Variants in WDPCP observed in about 807,000 individuals in gnomAD.
The protein encoded by WDPCP is WD repeat containing planar cell polarity effector.
A neutral mutation model predicts 93.1 loss-of-function variants in WDPCP; 71 were observed. The ratio of observed to expected loss-of-function variants is 0.76; its 90% CI spans 0.63 to 0.93. The LOEUF (loss-of-function observed/expected upper bound fraction) is 0.93, where lower values mean the gene tolerates loss of function less well. Ranked by LOEUF, WDPCP falls within the 40% of genes least tolerant of loss-of-function variation. The pLI is 0.00. For synonymous variants in WDPCP, 315 were observed against 315.0 expected, an observed-to-expected ratio of 1.00 and a Z score of 0.00; for missense variants, 844 against 887.4, an observed-to-expected ratio of 0.95 and a Z score of 0.62.
chr2:63,485,123 A>G (rs1700493193), intron 4 of WDPCP, 136 bp from the exon 5 acceptor site: 1 of 861,550 alleles, frequency 1.2e-6, no homozygotes, highest in African/African-American at 1.7e-5. Flanking sequence ...CCATCATCAA[A>G]TGACAGCCTT....
chr2:63,174,971 GTTCC>G, intron 14 of WDPCP, 139 bp from the exon 15 acceptor site: 2 of 866,252 alleles, frequency 2.3e-6, no homozygotes, highest in Non-Finnish European at 3.7e-6. Context: ...TGTTGTCCTA[GTTCC>G]CTATGACTTC....
chr2:63,489,539 C>G (rs1700751324), intron 2 of WDPCP, among the ~76,000 whole-genome samples: 1 of 151,966 alleles, frequency 6.6e-6, no homozygotes, highest in Non-Finnish European at 1.5e-5. Flanking sequence ...AGAAGAGTGA[C>G]TGATTCCTAG....
intron 13 of WDPCP, among the ~76,000 whole-genome samples, chr2:63,284,586 C>T (rs1683841349): frequency 6.6e-6 from 1 of 152,148 alleles, no homozygotes; most frequent in Admixed American, 6.5e-5. Flanking sequence ...GTAACTTGAA[C>T]ACAAGCACTG....
At position 63,751,063 on chromosome 2, in the gene WDPCP, A is replaced by G. The variant is rs144245227; in HGVS notation, n.308+62559T>C. On this transcript the variant is annotated intron_variant and non_coding_transcript_variant, in intron 2 of 4. Transcript: ENST00000467687. The stretch of plus-strand genomic sequence containing the variant: ...TAAGATTAGTGTTATTTCTTCAGTG[A>G]ATGTTCATCAGTGAAACCATCTGAA... Among the ~76,000 whole-genome samples the G allele has an allele frequency of 4.1e-3, 625 of 152,208 alleles. 3 individuals carry two copies. Among genetic ancestry groups the G allele is most frequent in the African/African-American group, 0.014 (585 of 41,522 alleles).
chr2:63,497,895 G>A (rs1000944049), intron 1 of WDPCP, among the ~76,000 whole-genome samples: 3 of 152,088 alleles, frequency 2.0e-5, no homozygotes, highest in Admixed American at 6.5e-5. Context: ...AAGGGGGTGC[G>A]GGCAGGGATT....
At chr2:63,787,165 T>C (rs1354907345) in intron 2 of WDPCP, among the ~76,000 whole-genome samples, 1 of 152,202 alleles carries the variant, frequency 6.6e-6, no homozygotes, top group African/African-American at 2.4e-5. Flanking sequence ...AAAGAAATTA[T>C]GGTATTTGTG....
At position 63,313,232 on chromosome 2, in the gene WDPCP, T is replaced by C. The variant is rs1403809873; in HGVS notation, c.1812+16A>G. The C allele has an allele frequency of 2.5e-6, 4 of 1,612,560 alleles. No homozygotes were observed. Among genetic ancestry groups the C allele is most frequent in the Non-Finnish European group, 3.4e-6 (4 of 1,178,942 alleles). On this transcript the variant is annotated intron_variant, in intron 13 of 17. Coordinates refer to ENST00000272321, the MANE Select transcript of WDPCP (RefSeq NM_015910.7). ...TTAGAACTGAAGGCACAAAATCATCTCTGAAAATGACTCACCATAAAGAGG... is the reference window on the plus strand; with the variant it reads ...TTAGAACTGAAGGCACAAAATCATCCCTGAAAATGACTCACCATAAAGAGG...
chr2:63,159,454 T>C (rs1574759596), intron 15 of WDPCP, among the ~76,000 whole-genome samples: 1 of 152,188 alleles, frequency 6.6e-6, no homozygotes, highest in East Asian at 1.9e-4. Context: ...CCAACATTTG[T>C]CATCTCAGCA....
intron 1 of WDPCP, among the ~76,000 whole-genome samples, chr2:63,504,383 CAT>C (rs1701740365): frequency 1.4e-5 from 2 of 145,030 alleles, no homozygotes; most frequent in South Asian, 2.2e-4. Flanking sequence ...ATTTTATTCA[CAT>C]ATTCTTAAAA....
At chr2:63,632,112 T>A (rs1709870869) in intron 3 of WDPCP, among the ~76,000 whole-genome samples, 1 of 152,214 alleles carries the variant, frequency 6.6e-6, no homozygotes, top group African/African-American at 2.4e-5. Flanking sequence ...CCACTGTTCC[T>A]TCTATAGAGC....
At chr2:63,595,696 T>G (rs1709296959) in intron 3 of WDPCP, among the ~76,000 whole-genome samples, 1 of 152,194 alleles carries the variant, frequency 6.6e-6, no homozygotes, top group South Asian at 2.1e-4. Flanking sequence ...GGGTAAGAAA[T>G]GAGCAACAAT....
intron 2 of WDPCP, among the ~76,000 whole-genome samples, chr2:63,752,954 A>G (rs899841626): frequency 6.6e-6 from 1 of 151,786 alleles, no homozygotes; most frequent in African/African-American, 2.4e-5. Flanking sequence ...TCGGCCTCCC[A>G]AAGTGCTAGG....
chr2:63,251,214 T>C (rs1444983062), intron 14 of WDPCP, among the ~76,000 whole-genome samples: 1 of 152,118 alleles, frequency 6.6e-6, no homozygotes, highest in Non-Finnish European at 1.5e-5. Flanking sequence ...ACAGGTATGA[T>C]AGACCACTCA....
chr2:63,605,530 T>C (rs898956847), intron 3 of WDPCP: 7 of 668,224 alleles, frequency 1.0e-5, no homozygotes, highest in Admixed American at 2.9e-5. Context: ...ACAAGTAAAC[T>C]TCGGGGTTTG....
intron 13 of WDPCP, among the ~76,000 whole-genome samples, chr2:63,275,243 C>G (rs543361490): frequency 6.6e-6 from 1 of 152,112 alleles, no homozygotes; most frequent in Non-Finnish European, 1.5e-5. Context: ...AATTCAATAT[C>G]CATTCCTGGT....
At chr2:63,196,362 G>C (rs1675436590) in intron 14 of WDPCP, among the ~76,000 whole-genome samples, 1 of 152,244 alleles carries the variant, frequency 6.6e-6, no homozygotes, top group South Asian at 2.1e-4. Context: ...TCATGAAGCT[G>C]TCACTGAAGC....
intron 1 of WDPCP, among the ~76,000 whole-genome samples, chr2:63,814,939 C>T (rs1031078034): frequency 2.0e-5 from 3 of 152,172 alleles, no homozygotes; most frequent in African/African-American, 7.2e-5. Flanking sequence ...ACAGAATAAA[C>T]TTCCAAATTT....
chr2:63,247,368 T>C (rs1289437343), intron 14 of WDPCP, among the ~76,000 whole-genome samples: 1 of 152,192 alleles, frequency 6.6e-6, no homozygotes, highest in African/African-American at 2.4e-5. Flanking sequence ...AGTAATGGTA[T>C]GTCACACGTT....
chr2:63,200,217 G>A (rs1675796746), intron 14 of WDPCP, among the ~76,000 whole-genome samples: 1 of 152,112 alleles, frequency 6.6e-6, no homozygotes, highest in African/African-American at 2.4e-5. Flanking sequence ...GATGAGAAAA[G>A]GGAAAACTCA....
Sources: allele counts gnomAD v4.1 joint callset (sites outside exome capture counted in the v4.1 genomes callset), GRCh38; gene constraint gnomAD v4.1.1; transcripts MANE v1.5; gene names NCBI Gene and HGNC (gene_info 2026-07-23, HGNC 2026-07-21).